IQSEC3: variants seen among roughly 807,000 people sequenced by gnomAD.
IQSEC3 encodes the protein IQ motif and SEC7 domain-containing protein 3.
IQSEC3 carries 50 observed loss-of-function variants against 105.4 expected under a neutral mutation model. That is an observed-to-expected ratio of 0.47 (90% CI 0.38 to 0.60). The LOEUF (loss-of-function observed/expected upper bound fraction) is 0.60. Among genes scored for constraint, IQSEC3 ranks in the 20% least tolerant of loss-of-function variants. IQSEC3 has a pLI of 0.00. For missense variants in IQSEC3, 1,415 were observed against 1,630.0 expected (o/e 0.87, Z 2.27); for synonymous variants, 708 against 746.0 (o/e 0.95, Z 0.83).
intron 2 of IQSEC3, among the ~76,000 whole-genome samples, chr12:117,213 T>C (rs1865077003): frequency 6.6e-6 from 1 of 151,780 alleles, no homozygotes; most frequent in African/African-American, 2.4e-5. Flanking sequence ...AGAGCAGACG[T>C]GAAAGGTGAG....
At position 139,328 on chromosome 12, in the gene IQSEC3, C is replaced by T; in HGVS notation, c.1965C>T (p.Tyr655=). 1 of 1,585,708 alleles carries T rather than the reference C, an allele frequency of 6.3e-7. No homozygotes were observed. Among genetic ancestry groups the T allele is most frequent in the Non-Finnish European group, 8.6e-7 (1 of 1,166,832 alleles). ...CCGACACCCTGCGCAAGCGGCTCTA[C>T]CGCATCGGCCTCAACCTCTTCAACA... The part of the protein sequence containing the change: ...LSTDTLRKRL[Y]RIGLNLFNIN... The change falls in exon 4 of 14, where the codon TAC becomes TAT. Residue 655 remains tyrosine (Y), a synonymous_variant. Coordinates refer to ENST00000538872, the MANE Select transcript of IQSEC3 (RefSeq NM_001170738.2).
chr12:124,930 G>A (rs1865335537), intron 2 of IQSEC3, among the ~76,000 whole-genome samples: 2 of 152,194 alleles, frequency 1.3e-5, no homozygotes, highest in African/African-American at 4.8e-5. Flanking sequence ...GATGGGTCAG[G>A]GAGGAGCAGG....
Position 125,996 on chromosome 12 carries a change from G to A in IQSEC3, c.903+84G>A, listed in dbSNP as rs557603826. On this transcript the variant is annotated intron_variant, in intron 3 of 13. Coordinates refer to ENST00000538872, the MANE Select transcript of IQSEC3 (RefSeq NM_001170738.2). ...TGTCGAGGGTACCAGGGATATCCCCGCTGGGTCCCCTCCGCTACAGGCACA... is the reference window on the plus strand; with the variant it reads ...TGTCGAGGGTACCAGGGATATCCCCACTGGGTCCCCTCCGCTACAGGCACA... 207 of 1,340,642 alleles carry A rather than the reference G, an allele frequency of 1.5e-4. 1 individual carries two copies. Among genetic ancestry groups the A allele is most frequent in the Middle Eastern group, 1.3e-3 (5 of 3,822 alleles). 83.0% of individuals were successfully genotyped at this position (1,340,642 alleles called of 1,614,324 possible).
Position 157,522 on chromosome 12 carries a change from C to G in IQSEC3, c.2277-6C>G, listed in dbSNP as rs782680883. The G allele has an allele frequency of 2.5e-6, 4 of 1,608,496 alleles. No homozygotes were observed. Among genetic ancestry groups the G allele is most frequent in the East Asian group, 2.2e-5 (1 of 44,870 alleles). ...AGCGTCCGCTCTGCATCTGACCCCCCCACAGCCAGCGCTACTGCATGTGCA... is the reference window on the plus strand; with the variant it reads ...AGCGTCCGCTCTGCATCTGACCCCCGCACAGCCAGCGCTACTGCATGTGCA... On this transcript the variant is annotated splice_polypyrimidine_tract_variant and splice_region_variant and intron_variant, in intron 6 of 13. Coordinates refer to ENST00000538872, the MANE Select transcript of IQSEC3 (RefSeq NM_001170738.2).
At position 157,523 on chromosome 12, in the gene IQSEC3, C is replaced by G. The variant is rs200366635; in HGVS notation, c.2277-5C>G. 48 of 1,609,206 alleles carry G rather than the reference C, an allele frequency of 3.0e-5. 1 individual carries two copies. The Admixed American group carries it at 3.0e-4, about 10-fold the overall frequency. On this transcript the variant is annotated splice_polypyrimidine_tract_variant and splice_region_variant and intron_variant, in intron 6 of 13. Transcript: ENST00000538872. ...GCGTCCGCTCTGCATCTGACCCCCC[C>G]ACAGCCAGCGCTACTGCATGTGCAA...
At chr12:162,458 CA>C (rs200235938) in intron 8 of IQSEC3, among the ~76,000 whole-genome samples, 2,357 of 152,288 alleles carry the variant, frequency 0.015, 24 homozygotes, top group Middle Eastern at 0.024. Flanking sequence ...GTGGCATCAC[CA>C]TAGATTTGTC....
intron 2 of IQSEC3, among the ~76,000 whole-genome samples, chr12:122,160 C>A (rs1865240931): frequency 6.6e-6 from 1 of 152,216 alleles, no homozygotes; most frequent in Non-Finnish European, 1.5e-5. Context: ...CTCTCAGGTC[C>A]CCGAGCACGG....
At chr12:174,469 G>C in intron 13 of IQSEC3, 130 bp from the exon 14 acceptor site, 1 of 835,886 alleles carries the variant, frequency 1.2e-6, no homozygotes, top group Non-Finnish European at 1.8e-6. Context: ...TGTGGGTGGA[G>C]AGATGGCGAG....
intron 5 of IQSEC3, 49 bp from the exon 6 acceptor site, chr12:156,972 TGGAG>T: frequency 1.3e-6 from 2 of 1,495,856 alleles, no homozygotes; most frequent in South Asian, 2.7e-5. Flanking sequence ...GAATGGGTGT[TGGAG>T]GGTGCTTAGG....
chr12:84,975 T>C (rs1863870962), intron 1 of IQSEC3, among the ~76,000 whole-genome samples: 1 of 152,128 alleles, frequency 6.6e-6, no homozygotes, highest in Non-Finnish European at 1.5e-5. Flanking sequence ...GCAAAAAAAG[T>C]CAGAGCTGTG....
chr12:90,530 AT>A (rs1222787866), intron 1 of IQSEC3, among the ~76,000 whole-genome samples: 14 of 152,162 alleles, frequency 9.2e-5, no homozygotes, highest in Admixed American at 6.5e-5. Context: ...ATTGAAGTCT[AT>A]TTTTTTGCAT....
chr12:112,710 A>G (rs889542804), intron 2 of IQSEC3, among the ~76,000 whole-genome samples: 4 of 152,178 alleles, frequency 2.6e-5, no homozygotes, highest in African/African-American at 9.7e-5. Flanking sequence ...GGCATTCTGC[A>G]TGGCCAGGGA....
chr12:165,106 C>T (rs1867103827), intron 9 of IQSEC3, among the ~76,000 whole-genome samples: 1 of 152,236 alleles, frequency 6.6e-6, no homozygotes. Flanking sequence ...CACAGTGGAA[C>T]TGAGCTTGCC....
chr12:128,849 T>C (rs1202080251), intron 3 of IQSEC3, among the ~76,000 whole-genome samples: 1 of 152,152 alleles, frequency 6.6e-6, no homozygotes, highest in Non-Finnish European at 1.5e-5. Context: ...CTGACCGCGC[T>C]GATCCTCGGG....
At chr12:106,897 G>T (rs920600112) in intron 2 of IQSEC3, 2 of 150,566 alleles carry the variant, frequency 1.3e-5, no homozygotes, top group Non-Finnish European at 2.9e-5. Flanking sequence ...TGACAAAAAG[G>T]GTTTTTAATT....
chr12:176,934 G>C lies in IQSEC3; in HGVS notation c.*1901G>C, dbSNP rs1939255478. The C allele has an allele frequency of 1.3e-5, 2 of 152,400 alleles. No homozygotes were observed. Among genetic ancestry groups the C allele is most frequent in the South Asian group, 4.1e-4 (2 of 4,836 alleles). 9.4% of individuals were successfully genotyped at this position (152,400 alleles called of 1,614,324 possible). A position where few individuals can be genotyped will look rare whatever the true frequency, so the allele number is the denominator to read the frequency against. On this transcript the variant is annotated 3_prime_UTR_variant, in exon 14 of 14. Coordinates refer to ENST00000538872, the MANE Select transcript of IQSEC3 (RefSeq NM_001170738.2). The surrounding 1 kb of genome is among the most constrained non-coding windows in gnomAD (Gnocchi z 4.0). ...TGAAGGCCTGGACAGGAGGAGTCAGGGACTTGGGAGGAGGTGGAGCTGTGG... is the reference window on the plus strand; with the variant it reads ...TGAAGGCCTGGACAGGAGGAGTCAGCGACTTGGGAGGAGGTGGAGCTGTGG...
At position 138,412 on chromosome 12, in the gene IQSEC3, G is replaced by A. The variant is rs782640693; in HGVS notation, c.1049G>A (p.Arg350Gln). 1.2e-6 allele frequency: 2 copies of A among 1,609,308 alleles called. No homozygotes were observed. Among genetic ancestry groups the A allele is most frequent in the East Asian group, 2.2e-5 (1 of 44,852 alleles). The change falls in exon 4 of 14, where the codon CGG becomes CAG. Residue 350 changes from arginine to glutamine, a missense_variant. Arg to Gln is a conservative substitution (Grantham distance 43). Transcript: ENST00000538872. This position sits in a 1 kb window ranked among gnomAD's most constrained non-coding sequence, Gnocchi z 7.1. ...NSLLESRLPR[R>Q]ISLRKVRSPT... The stretch of plus-strand genomic sequence containing the variant: ...CTTCTGGAGAGCCGCCTGCCACGGC[G>A]GATCTCCCTGCGCAAGGTGCGGTCA...
In IQSEC3 at chr12:165,532, G is replaced by A; in HGVS notation, c.2808G>A (p.Glu936=). 2 of 1,613,392 alleles carry A rather than the reference G, an allele frequency of 1.2e-6. No individual in the cohort carries two copies. Among genetic ancestry groups the A allele is most frequent in the Non-Finnish European group, 1.7e-6 (2 of 1,179,326 alleles). The part of the protein sequence containing the change: ...LGMQFQLFEN[E]YYSHGITLVT... ...TGCAGTTCCAGCTCTTTGAGAACGAGTGTAAGTCTTTGACAGCCAGTGTAA... is the reference window on the plus strand; with the variant it reads ...TGCAGTTCCAGCTCTTTGAGAACGAATGTAAGTCTTTGACAGCCAGTGTAA... The change falls in exon 10 of 14, where the codon GAG becomes GAA. Residue 936 remains glutamate (E), a splice_region_variant and synonymous_variant. Transcript: ENST00000538872.
At position 125,672 on chromosome 12, in the gene IQSEC3, C is replaced by A; in HGVS notation, c.663C>A (p.Asp221Glu). ...SCTQAGGGME[D>E]SVVAAAAVAA... is the part of the protein sequence containing the mutation. Reference sequence around the variant, plus strand: ...CCCAGGCCGGTGGGGGCATGGAGGACTCCGTGGTGGCAGCGGCGGCGGTGG... The same window carrying A: ...CCCAGGCCGGTGGGGGCATGGAGGAATCCGTGGTGGCAGCGGCGGCGGTGG... The change falls in exon 3 of 14, where the codon GAC becomes GAA. Residue 221 changes from aspartate to glutamate, a missense_variant. Transcript: ENST00000538872. 1 of 1,540,508 alleles carries A rather than the reference C, an allele frequency of 6.5e-7. No individual in the cohort carries two copies. The highest frequency in any genetic ancestry group is 2.3e-5 in the East Asian group (1 of 43,076).
Sources: allele counts gnomAD v4.1 joint callset (sites outside exome capture counted in the v4.1 genomes callset), GRCh38; gene constraint gnomAD v4.1.1; non-coding constraint Gnocchi (gnomAD v3.1); transcripts MANE v1.5; gene names NCBI Gene and HGNC (gene_info 2026-07-23, HGNC 2026-07-21).